Variants in ZNRF3 observed in about 807,000 individuals in gnomAD.
The protein encoded by ZNRF3 is E3 ubiquitin-protein ligase ZNRF3.
In ZNRF3, 23 loss-of-function variants were observed where a neutral mutation model predicts 72.5. The ratio of observed to expected loss-of-function variants is 0.32; its 90% confidence interval spans 0.23 to 0.45. ZNRF3 has a LOEUF of 0.45. ZNRF3 is among the 20% of genes least tolerant of loss of function. ZNRF3 has a pLI of 1.00. For missense variants in ZNRF3, 1,169 were observed against 1,272.1 expected (o/e 0.92, Z 1.23); for synonymous variants, 610 against 545.3 (o/e 1.12, Z -1.65).
chr22:29,031,257 A>C, intron 2 of ZNRF3: 1 of 152,112 alleles, frequency 6.6e-6, no homozygotes, highest in East Asian at 1.9e-4. Flanking sequence ...CACCCTCCTC[A>C]TCCCCACCCT....
chr22:28,937,209 ATATATATTTTTTTTTTTT>A (rs1250209005), intron 1 of ZNRF3, among the ~76,000 whole-genome samples: 2 of 2,708 alleles, frequency 7.4e-4, no homozygotes, highest in Non-Finnish European at 4.0e-3. Context: ...ATATATATAT[ATATATATTTTTTTTTTTT>A]TTTTTTTTTT....
chr22:29,007,826 G>A (rs774565301), intron 2 of ZNRF3, among the ~76,000 whole-genome samples: 25 of 140,908 alleles, frequency 1.8e-4, no homozygotes, highest in South Asian at 1.1e-3. Flanking sequence ...GTGCGATCTC[G>A]GCTCACCACA....
chr22:28,940,856 A>G (rs2034933018), intron 1 of ZNRF3, among the ~76,000 whole-genome samples: 1 of 152,236 alleles, frequency 6.6e-6, no homozygotes, highest in African/African-American at 2.4e-5. Context: ...CCCACCCAGA[A>G]AAAAATTTAT....
rs555795915 is a variant in ZNRF3 at position 29,000,013 on chromosome 22, G to T, written c.426+12812G>T. ...TATTTTATTTGATAAAAGGTACAGG[G>T]GACCATTCTGCTTTTGTGATGTTGT... is the stretch of plus-strand genomic sequence containing the variant. On this transcript the variant is annotated intron_variant, in intron 2 of 8. Transcript: ENST00000544604. 5.9e-5 allele frequency among the ~76,000 whole-genome samples: 9 copies of T among 152,244 alleles called. No individual in the cohort carries two copies. The South Asian group carries it at 1.9e-3, about 32-fold the overall frequency.
intron 1 of ZNRF3, among the ~76,000 whole-genome samples, chr22:28,921,463 CT>C (rs2034511509): frequency 6.6e-6 from 1 of 152,218 alleles, no homozygotes; most frequent in African/African-American, 2.4e-5. Context: ...TCCGAATGAG[CT>C]TTGGCCTTTA....
Position 29,053,856 on chromosome 22 carries a change from ATGT to A in ZNRF3, c.*239_*241del, listed in dbSNP as rs200809710. On this transcript the variant is annotated 3_prime_UTR_variant, in exon 9 of 9. Coordinates refer to ENST00000544604, the MANE Select transcript of ZNRF3 (RefSeq NM_001206998.2). ...CGAGTCCTTTGCCTCTTTTGATAAC[ATGT>A]TGTTCTGTTTTGTAAAGTGTGTGTG... The A allele has an allele frequency of 5.0e-3, 2,215 of 447,068 alleles. 84 individuals carry two copies. The East Asian group carries it at 0.066, about 13-fold the overall frequency. 27.7% of individuals were successfully genotyped at this position (447,068 alleles called of 1,614,324 possible). A position where few individuals can be genotyped will look rare whatever the true frequency, so the allele number is the denominator to read the frequency against.
intron 2 of ZNRF3, among the ~76,000 whole-genome samples, chr22:29,034,370 C>T (rs1427134988): frequency 6.6e-6 from 1 of 152,168 alleles, no homozygotes; most frequent in African/African-American, 2.4e-5. Context: ...GGTCTTCTGT[C>T]ATATCCTTCA....
chr22:28,961,946 C>T (rs940146911), intron 1 of ZNRF3, among the ~76,000 whole-genome samples: 1 of 152,160 alleles, frequency 6.6e-6, no homozygotes, highest in Non-Finnish European at 1.5e-5. Flanking sequence ...TAGCATCAAA[C>T]ATATGTCTTT....
At chr22:28,958,958 C>T (rs1404300280) in intron 1 of ZNRF3, among the ~76,000 whole-genome samples, 7 of 152,198 alleles carry the variant, frequency 4.6e-5, no homozygotes, top group Non-Finnish European at 1.0e-4. Context: ...AATGGAGTCA[C>T]TTGGGAGGGA....
intron 1 of ZNRF3, among the ~76,000 whole-genome samples, chr22:28,885,783 A>G (rs560148345): frequency 6.6e-6 from 1 of 152,310 alleles, no homozygotes; most frequent in South Asian, 2.1e-4. Context: ...TCACCATTTA[A>G]TACAAAATTA....
chr22:29,029,083 T>A (rs1358318298), intron 2 of ZNRF3, among the ~76,000 whole-genome samples: 3 of 152,200 alleles, frequency 2.0e-5, no homozygotes, highest in Non-Finnish European at 4.4e-5. Flanking sequence ...GCCTAGGGTG[T>A]TCACCTGCCT....
intron 1 of ZNRF3, among the ~76,000 whole-genome samples, chr22:28,923,940 C>G (rs543048957): frequency 2.6e-5 from 4 of 152,182 alleles, no homozygotes; most frequent in Admixed American, 6.5e-5. Context: ...TTGCGCTGGC[C>G]GGGCAATCAT....
chr22:29,045,756 C>T (rs971407295), intron 5 of ZNRF3, among the ~76,000 whole-genome samples: 1 of 152,222 alleles, frequency 6.6e-6, no homozygotes, highest in Non-Finnish European at 1.5e-5. Flanking sequence ...GGATTACAGG[C>T]GTGAGCCACC....
intron 2 of ZNRF3, among the ~76,000 whole-genome samples, chr22:29,028,011 T>A (rs980848464): frequency 2.6e-5 from 4 of 152,268 alleles, no homozygotes; most frequent in African/African-American, 9.6e-5. Context: ...TCTGTAGCTG[T>A]TATAAATGAT....
At chr22:28,903,706 C>T (rs1313362313) in intron 1 of ZNRF3, among the ~76,000 whole-genome samples, 1 of 152,032 alleles carries the variant, frequency 6.6e-6, no homozygotes, top group Non-Finnish European at 1.5e-5. Flanking sequence ...GGAAATTGCC[C>T]CTTTCTGAAG....
chr22:28,883,700 C>A lies in ZNRF3; in HGVS notation c.-67C>A. On this transcript the variant is annotated 5_prime_UTR_variant, in exon 1 of 9. Coordinates refer to ENST00000544604, the MANE Select transcript of ZNRF3 (RefSeq NM_001206998.2). This position sits in a 1 kb window ranked among gnomAD's most constrained non-coding sequence, Gnocchi z 5.5. ...GGGCTGTGAGGCGTCCGCCCGCGTT[C>A]GGTCCTCAGCCGGCCCGCGACTATG... 1 of 983,074 alleles carries A rather than the reference C, an allele frequency of 1.0e-6. No homozygotes were observed. The highest frequency in any genetic ancestry group is 4.6e-5 in the South Asian group (1 of 21,970). 60.9% of individuals were successfully genotyped at this position (983,074 alleles called of 1,614,324 possible). A position where few individuals can be genotyped will look rare whatever the true frequency, so the allele number is the denominator to read the frequency against.
chr22:28,996,944 A>G (rs1238544936), intron 2 of ZNRF3, among the ~76,000 whole-genome samples: 1 of 152,164 alleles, frequency 6.6e-6, no homozygotes, highest in Non-Finnish European at 1.5e-5. Flanking sequence ...TCCGCATGCC[A>G]TCCTCATTGG....
At chr22:29,026,707 T>G (rs2036643498) in intron 2 of ZNRF3, 1 of 152,212 alleles carries the variant, frequency 6.6e-6, no homozygotes, top group Non-Finnish European at 1.5e-5. Context: ...TATAAATGGT[T>G]GCTCTTGTGC....
At chr22:28,906,511 C>T (rs1378916378) in intron 1 of ZNRF3, among the ~76,000 whole-genome samples, 1 of 152,244 alleles carries the variant, frequency 6.6e-6, no homozygotes, top group Non-Finnish European at 1.5e-5. Flanking sequence ...GGTCATCCAA[C>T]CTCTCTGAAC....
Sources: allele counts gnomAD v4.1 joint callset (sites outside exome capture counted in the v4.1 genomes callset), GRCh38; gene constraint gnomAD v4.1.1; non-coding constraint Gnocchi (gnomAD v3.1); transcripts MANE v1.5; gene names NCBI Gene and HGNC (gene_info 2026-07-23, HGNC 2026-07-21).